The following PPARGC1A variants were observed in gnomAD, a reference collection of about 807,000 sequenced individuals.
PPARGC1A encodes the protein peroxisome proliferator-activated receptor gamma coactivator 1-alpha.
Under a neutral mutation model 88.7 loss-of-function variants are expected in PPARGC1A, and 25 were observed. That is an observed-to-expected ratio of 0.28 (90% confidence interval 0.21 to 0.39). The LOEUF (loss-of-function observed/expected upper bound fraction) is 0.39, where lower values mean the gene tolerates loss of function less well. PPARGC1A is among the 10% of genes least tolerant of loss of function. The pLI, the probability that PPARGC1A is intolerant of heterozygous loss-of-function variation, is 1.00. For missense variants in PPARGC1A, 880 were observed against 968.7 expected (o/e 0.91, Z 1.22); for synonymous variants, 363 against 355.6 (o/e 1.02, Z -0.24).
the PPARGC1A span, among the ~76,000 whole-genome samples, chr4:24,353,219 C>T: frequency 0.14 from 20,301 of 143,256 alleles, 1,492 homozygotes; most frequent in Non-Finnish European, 0.16. Flanking sequence ...AATCCTCTTT[C>T]GTCTTAAATA....
At chr4:23,933,864 TA>T in the PPARGC1A span, among the ~76,000 whole-genome samples, 1 of 152,192 alleles carries the variant, frequency 6.6e-6, no homozygotes, top group Non-Finnish European at 1.5e-5. Context: ...GGTCTTTGGT[TA>T]TGTAAATATG....
intron 12 of PPARGC1A, 87 bp downstream of exon 12, chr4:23,801,643 C>A: frequency 7.0e-7 from 1 of 1,421,142 alleles, no homozygotes; most frequent in Admixed American, 1.9e-5. Context: ...AGTGATGGTT[C>A]AACCCAAGGT....
chr4:23,809,582 G>C (rs548539782), intron 10 of PPARGC1A, among the ~76,000 whole-genome samples: 2 of 152,134 alleles, frequency 1.3e-5, no homozygotes, highest in Admixed American at 6.5e-5. Flanking sequence ...AATTTTCTAA[G>C]AGCCACATTT....
At chr4:24,052,184 T>G in the PPARGC1A span, among the ~76,000 whole-genome samples, 1 of 152,150 alleles carries the variant, frequency 6.6e-6, no homozygotes, top group African/African-American at 2.4e-5. Flanking sequence ...ATGTGTCAGT[T>G]TGAGCTTGAC....
At chr4:24,387,762 G>GAAACAAAGAA in the PPARGC1A span, among the ~76,000 whole-genome samples, 1 of 73,004 alleles carries the variant, frequency 1.4e-5, no homozygotes, top group East Asian at 4.4e-4. Flanking sequence ...GAGAGAGAGA[G>GAAACAAAGAA]AGAGAGAAAG....
the PPARGC1A span, among the ~76,000 whole-genome samples, chr4:24,468,302 G>C: frequency 1.3e-5 from 2 of 152,230 alleles, no homozygotes; most frequent in Non-Finnish European, 2.9e-5. Context: ...CCCTAGGCGT[G>C]AAACTGTAAA....
At chr4:24,316,515 TTAATA>T in the PPARGC1A span, among the ~76,000 whole-genome samples, 2 of 152,192 alleles carry the variant, frequency 1.3e-5, no homozygotes, top group Non-Finnish European at 2.9e-5. Context: ...TTCCTAGATA[TTAATA>T]TAAGAATAAG....
the PPARGC1A span, among the ~76,000 whole-genome samples, chr4:23,910,238 T>TATATATAAATATATATTATATATA: frequency 9.4e-6 from 1 of 106,854 alleles, no homozygotes; most frequent in Non-Finnish European, 1.8e-5. Flanking sequence ...TTATATATAA[T>TATATATAAATATATATTATATATA]ATATATAAAT....
chr4:24,468,071 G>C, the PPARGC1A span, among the ~76,000 whole-genome samples: 1 of 152,228 alleles, frequency 6.6e-6, no homozygotes, highest in East Asian at 1.9e-4. Context: ...ACTTTCAATT[G>C]ATTGATTCAA....
chr4:23,808,300 A>G (rs1312975841), intron 10 of PPARGC1A, among the ~76,000 whole-genome samples: 1 of 150,390 alleles, frequency 6.6e-6, no homozygotes, highest in Non-Finnish European at 1.5e-5. Flanking sequence ...TTTTCATTTC[A>G]TTTGGAAGAA....
At chr4:24,228,052 T>C in the PPARGC1A span, among the ~76,000 whole-genome samples, 1 of 152,222 alleles carries the variant, frequency 6.6e-6, no homozygotes, top group African/African-American at 2.4e-5. Flanking sequence ...CTCAGCTCCA[T>C]CCTCATCTCG....
At chr4:23,836,585 G>C (rs530761904) in intron 2 of PPARGC1A, among the ~76,000 whole-genome samples, 1 of 152,260 alleles carries the variant, frequency 6.6e-6, no homozygotes, top group East Asian at 1.9e-4. Context: ...TGATAGTTTA[G>C]AACAGTCAAC....
At chr4:24,430,622 AC>A in the PPARGC1A span, among the ~76,000 whole-genome samples, 1 of 152,018 alleles carries the variant, frequency 6.6e-6, no homozygotes, top group Non-Finnish European at 1.5e-5. Flanking sequence ...AGTTCTTCAA[AC>A]CCTGCTATGG....
At chr4:24,253,634 G>C in the PPARGC1A span, among the ~76,000 whole-genome samples, 1 of 152,238 alleles carries the variant, frequency 6.6e-6, no homozygotes, top group Non-Finnish European at 1.5e-5. Flanking sequence ...GGGCCATGGA[G>C]ACAAAAGTGA....
chr4:24,125,681 A>G, the PPARGC1A span, among the ~76,000 whole-genome samples: 2 of 118,008 alleles, frequency 1.7e-5, no homozygotes, highest in Non-Finnish European at 4.0e-5. Flanking sequence ...AAGTTGCTGA[A>G]AAGTTGTATA....
At chr4:24,256,180 A>T in the PPARGC1A span, among the ~76,000 whole-genome samples, 3 of 152,164 alleles carry the variant, frequency 2.0e-5, no homozygotes, top group East Asian at 3.9e-4. Context: ...TTTTATCCAG[A>T]ACAAACTGAC....
the PPARGC1A span, among the ~76,000 whole-genome samples, chr4:24,139,785 G>A: frequency 3.9e-5 from 6 of 152,258 alleles, no homozygotes; most frequent in African/African-American, 1.4e-4. Context: ...TGCACGCTCA[G>A]TGACTCACAA....
At chr4:23,998,590 C>A in the PPARGC1A span, among the ~76,000 whole-genome samples, 1 of 152,146 alleles carries the variant, frequency 6.6e-6, no homozygotes, top group Non-Finnish European at 1.5e-5. Flanking sequence ...ATAACACAAC[C>A]TTTACACTAA....
chr4:24,097,950 C>T, the PPARGC1A span, among the ~76,000 whole-genome samples: 169 of 152,278 alleles, frequency 1.1e-3, no homozygotes, highest in South Asian at 4.8e-3. Context: ...TACCAAGATT[C>T]ATTTGCATTT....
Sources: gnomAD v4.1 joint callset for allele counts (sites outside exome capture counted in the v4.1 genomes callset) on GRCh38, gnomAD v4.1.1 for gene constraint, MANE v1.5 for transcripts, NCBI Gene and HGNC (gene_info 2026-07-23, HGNC 2026-07-21) for gene names.